KIAA0319L: variants seen among roughly 807,000 people sequenced by gnomAD.
KIAA0319L encodes the protein dyslexia-associated protein KIAA0319-like protein.
KIAA0319L carries 55 observed loss-of-function variants against 120.1 expected under a neutral mutation model. That is an observed-to-expected ratio of 0.46 (90% CI 0.37 to 0.57). The LOEUF (loss-of-function observed/expected upper bound fraction) is 0.57, where lower values mean the gene tolerates loss of function less well. Among genes scored for constraint, KIAA0319L ranks in the 20% least tolerant of loss-of-function variants. The probability of loss-of-function intolerance (pLI) is 0.00; values close to 1 mark genes in which losing one functional copy is unlikely to be tolerated. For missense variants in KIAA0319L, 1,049 were observed against 1,255.3 expected (o/e 0.84, Z 2.48); for synonymous variants, 398 against 471.9 (o/e 0.84, Z 2.03).
chr1:35,466,779 GCTGAATCTTTCAC>G, intron 6 of KIAA0319L, 84 bp from the exon 7 acceptor site: 1 of 964,114 alleles, frequency 1.0e-6, no homozygotes, highest in Non-Finnish European at 1.6e-6. Flanking sequence ...ACTTTCCCAA[GCTGAATCTTTCAC>G]TCTTTCCTTC....
At chr1:35,443,979 G>A in intron 17 of KIAA0319L, 182 bp downstream of exon 17, 3 of 485,362 alleles carry the variant, frequency 6.2e-6, no homozygotes, top group Non-Finnish European at 3.4e-6. Context: ...AGGGGCCCAT[G>A]GGCCCCAAGT....
intron 6 of KIAA0319L, among the ~76,000 whole-genome samples, chr1:35,469,725 A>G (rs901826523): frequency 2.6e-5 from 4 of 151,838 alleles, no homozygotes; most frequent in Non-Finnish European, 4.4e-5. Flanking sequence ...CCTGCTTCCT[A>G]TCAGTATCAC....
intron 2 of KIAA0319L, among the ~76,000 whole-genome samples, chr1:35,526,403 A>ATATATATACATACATATATATATATATG (rs1646143268): frequency 1.4e-5 from 2 of 145,172 alleles, no homozygotes; most frequent in African/African-American, 2.5e-5. Flanking sequence ...ATATATATAT[A>ATATATATACATACATATATATATATATG]TATATATACA....
intron 2 of KIAA0319L, among the ~76,000 whole-genome samples, chr1:35,509,019 A>C (rs547171837): frequency 5.0e-4 from 76 of 152,318 alleles, no homozygotes; most frequent in African/African-American, 1.8e-3. Context: ...ACACTGGACA[A>C]CAGGCAGTGC....
intron 2 of KIAA0319L, among the ~76,000 whole-genome samples, chr1:35,541,947 T>C (rs1217712886): frequency 6.6e-6 from 1 of 152,190 alleles, no homozygotes; most frequent in Non-Finnish European, 1.5e-5. Flanking sequence ...CATTCTGTCA[T>C]GGGCTTCAAT....
In KIAA0319L at chr1:35,479,109, C is replaced by A. The variant is rs748404749; in HGVS notation, c.770G>T (p.Gly257Val). Residue 257 changes from glycine (G) to valine (V), a missense_variant, in exon 4 of 21, where the codon GGT (glycine) becomes GTT (valine). Gly to Val is a moderately radical substitution (Grantham distance 109, BLOSUM62 -3). Coordinates refer to ENST00000325722, the MANE Select transcript of KIAA0319L (RefSeq NM_024874.5). Reference protein sequence around the residue: ...NVSVQPEISEGLATTPSTQQV... With the variant: ...NVSVQPEISEVLATTPSTQQV... Reference sequence around the variant, plus strand: ...TTGAGTGCTGGGCGTAGTAGCAAGACCCTCTGATATTTCAGGTTGCACTGA... The same window carrying A: ...TTGAGTGCTGGGCGTAGTAGCAAGAACCTCTGATATTTCAGGTTGCACTGA... 2 of 1,614,158 alleles carry A rather than the reference C, an allele frequency of 1.2e-6. No homozygotes were observed. The highest frequency in any genetic ancestry group is 1.7e-5 in the Admixed American group (1 of 60,022).
intron 2 of KIAA0319L, among the ~76,000 whole-genome samples, chr1:35,548,318 T>C (rs1004411218): frequency 7.2e-5 from 11 of 151,954 alleles, no homozygotes; most frequent in Admixed American, 7.2e-4. Flanking sequence ...CTGACCTCCC[T>C]CCCTTTTCCA....
chr1:35,461,326 C>T (rs1642873993), intron 8 of KIAA0319L, among the ~76,000 whole-genome samples: 1 of 152,114 alleles, frequency 6.6e-6, no homozygotes, highest in South Asian at 2.1e-4. Context: ...ATTAGCCAGG[C>T]TTGATGGTGC....
At chr1:35,523,014 TA>T (rs58518920) in intron 2 of KIAA0319L, among the ~76,000 whole-genome samples, 2,400 of 62,492 alleles carry the variant, frequency 0.038, 38 homozygotes, top group African/African-American at 0.082. Flanking sequence ...AAACTCCACA[TA>T]AAAAAAAAAA....
intron 2 of KIAA0319L, among the ~76,000 whole-genome samples, chr1:35,546,530 T>C (rs368892667): frequency 6.6e-6 from 1 of 152,220 alleles, no homozygotes; most frequent in South Asian, 2.1e-4. Flanking sequence ...CTTCACTGAC[T>C]GCAAAGATCA....
intron 6 of KIAA0319L, among the ~76,000 whole-genome samples, chr1:35,467,399 C>G (rs1330001331): frequency 3.3e-5 from 5 of 151,502 alleles, no homozygotes; most frequent in Non-Finnish European, 7.4e-5. Flanking sequence ...ACTATCATAA[C>G]ACATCAACTC....
chr1:35,530,245 C>A (rs1646312949), intron 2 of KIAA0319L, among the ~76,000 whole-genome samples: 1 of 150,494 alleles, frequency 6.6e-6, no homozygotes, highest in African/African-American at 2.4e-5. Flanking sequence ...TGTTGCCCAT[C>A]TAACTCCTGG....
At chr1:35,524,769 T>C (rs1056394421) in intron 2 of KIAA0319L, among the ~76,000 whole-genome samples, 1 of 152,238 alleles carries the variant, frequency 6.6e-6, no homozygotes, top group African/African-American at 2.4e-5. Flanking sequence ...GTTACATGCA[T>C]AGAATGTGCA....
At chr1:35,502,636 C>G (rs781174736) in intron 3 of KIAA0319L, among the ~76,000 whole-genome samples, 1 of 152,178 alleles carries the variant, frequency 6.6e-6, no homozygotes, top group Non-Finnish European at 1.5e-5. Context: ...TTTACCACCT[C>G]CAAAATCTTA....
chr1:35,522,791 G>A (rs1379340291), intron 2 of KIAA0319L, among the ~76,000 whole-genome samples: 1 of 151,642 alleles, frequency 6.6e-6, no homozygotes, highest in Non-Finnish European at 1.5e-5. Context: ...GCCGAGGTGG[G>A]TGGATCATGA....
chr1:35,549,710 A>C (rs1647127428), intron 2 of KIAA0319L, among the ~76,000 whole-genome samples: 1 of 152,198 alleles, frequency 6.6e-6, no homozygotes, highest in African/African-American at 2.4e-5. Context: ...TATATTTGTT[A>C]AGATTTTAGT....
chr1:35,490,217 A>G (rs1291179455), intron 3 of KIAA0319L, among the ~76,000 whole-genome samples: 1 of 152,250 alleles, frequency 6.6e-6, no homozygotes, highest in Non-Finnish European at 1.5e-5. Context: ...CCACAAAGCT[A>G]GAATGGAAAA....
In KIAA0319L at chr1:35,506,914, G is replaced by A. The variant is rs765009216; in HGVS notation, c.364C>T (p.His122Tyr). ...RPQSCRAFRT[H>Y]SSNSMLVFLK... ...AACACCAGCATGGAATTGGAGGAGT[G>A]TGTCCTAAAAGCCCGGCAGCTCTGG... The change falls in exon 3 of 21, where the codon CAC (histidine) becomes TAC (tyrosine). Residue 122 changes from histidine to tyrosine, a missense_variant. Coordinates refer to ENST00000325722, the MANE Select transcript of KIAA0319L (RefSeq NM_024874.5). The surrounding 1 kb of genome is among the most constrained non-coding windows in gnomAD (Gnocchi z 4.0). 5 of 1,614,172 alleles carry A rather than the reference G, an allele frequency of 3.1e-6. No homozygotes were observed. The highest frequency in any genetic ancestry group is 1.7e-6 in the Non-Finnish European group (2 of 1,180,018).
chr1:35,521,963 A>G (rs997253877), intron 2 of KIAA0319L, among the ~76,000 whole-genome samples: 1 of 152,022 alleles, frequency 6.6e-6, no homozygotes, highest in African/African-American at 2.4e-5. Context: ...ACAGAGCGAG[A>G]CTCTGTCTTA....
Sources: allele counts gnomAD v4.1 joint callset (sites outside exome capture counted in the v4.1 genomes callset), GRCh38; gene constraint gnomAD v4.1.1; non-coding constraint Gnocchi (gnomAD v3.1); transcripts MANE v1.5; gene names NCBI Gene and HGNC (gene_info 2026-07-23, HGNC 2026-07-21).